PACRG: variants seen among roughly 807,000 people sequenced by gnomAD.
PACRG encodes the protein parkin coregulated.
PACRG carries 29 observed loss-of-function variants against 29.7 expected under a neutral mutation model. The ratio of observed to expected loss-of-function variants is 0.98; its 90% CI spans 0.73 to 1.33. The LOEUF is 1.33. Ranked by LOEUF, PACRG falls within the 40% of genes most tolerant of loss-of-function variation. The probability of loss-of-function intolerance (pLI) is 0.00; values close to 1 mark genes in which losing one functional copy is unlikely to be tolerated. For missense variants in PACRG, 279 were observed against 316.2 expected, an observed-to-expected ratio of 0.88 and a Z score of 0.89; for synonymous variants, 116 against 118.7, an observed-to-expected ratio of 0.98 and a Z score of 0.15.
At chr6:163,281,949 A>C (rs1784239197) in intron 4 of PACRG, among the ~76,000 whole-genome samples, 1 of 152,258 alleles carries the variant, frequency 6.6e-6, no homozygotes, top group Non-Finnish European at 1.5e-5. Flanking sequence ...TATCATGTGC[A>C]CAAGAAGCAG....
At chr6:162,888,984 T>C (rs1403759978) in intron 2 of PACRG, among the ~76,000 whole-genome samples, 3 of 152,172 alleles carry the variant, frequency 2.0e-5, no homozygotes, top group African/African-American at 7.2e-5. Context: ...AACTCTGTGA[T>C]TAAGCTAATT....
At chr6:162,953,962 C>G (rs544506105) in intron 2 of PACRG, among the ~76,000 whole-genome samples, 3 of 151,984 alleles carry the variant, frequency 2.0e-5, no homozygotes, top group Non-Finnish European at 4.4e-5. Flanking sequence ...TGTAGAATAC[C>G]AATTTTTTAT....
At chr6:163,166,478 A>C (rs151190523) in intron 4 of PACRG, among the ~76,000 whole-genome samples, 210 of 152,360 alleles carry the variant, frequency 1.4e-3, no homozygotes, top group African/African-American at 4.6e-3. Flanking sequence ...ACCAAATGTC[A>C]TATTATTTAC....
At chr6:163,102,595 T>C (rs758353936) in intron 4 of PACRG, among the ~76,000 whole-genome samples, 3 of 152,184 alleles carry the variant, frequency 2.0e-5, no homozygotes, top group Non-Finnish European at 2.9e-5. Flanking sequence ...GGAGCTGCAA[T>C]GTATATGATT....
At chr6:163,065,556 C>T (rs1269073464) in intron 3 of PACRG, among the ~76,000 whole-genome samples, 2 of 152,196 alleles carry the variant, frequency 1.3e-5, no homozygotes, top group South Asian at 2.1e-4. Flanking sequence ...AGCAACACTG[C>T]AGCCACAGGG....
chr6:162,902,582 C>G (rs1350904504), intron 2 of PACRG, among the ~76,000 whole-genome samples: 1 of 152,184 alleles, frequency 6.6e-6, no homozygotes, highest in African/African-American at 2.4e-5. Flanking sequence ...TCAGGGCTTG[C>G]TATCCCGACA....
chr6:163,089,968 G>A (rs764589650), intron 4 of PACRG, among the ~76,000 whole-genome samples: 1 of 152,182 alleles, frequency 6.6e-6, no homozygotes, highest in African/African-American at 2.4e-5. Flanking sequence ...TTGGCAGGCA[G>A]TGGATGTAAA....
chr6:163,095,143 CG>C (rs1406733529), intron 4 of PACRG, among the ~76,000 whole-genome samples: 1 of 152,108 alleles, frequency 6.6e-6, no homozygotes, highest in East Asian at 1.9e-4. Flanking sequence ...TGCCCCCACG[CG>C]TGGTCAGCCC....
At chr6:162,817,498 T>C (rs1194555207) in intron 2 of PACRG, among the ~76,000 whole-genome samples, 1 of 152,184 alleles carries the variant, frequency 6.6e-6, no homozygotes, top group Non-Finnish European at 1.5e-5. Context: ...CGTCTCTTTC[T>C]TGTGGCATCT....
chr6:162,742,097 T>C (rs1562550761), intron 1 of PACRG, among the ~76,000 whole-genome samples: 1 of 152,180 alleles, frequency 6.6e-6, no homozygotes, highest in Non-Finnish European at 1.5e-5. Flanking sequence ...CCTTCTACTC[T>C]TTGCTTCTGT....
At chr6:163,008,429 C>T (rs549065133) in intron 2 of PACRG, among the ~76,000 whole-genome samples, 6 of 151,994 alleles carry the variant, frequency 3.9e-5, no homozygotes, top group South Asian at 2.1e-4. Flanking sequence ...TTGTGACCAG[C>T]GTGTGTTTTC....
At chr6:163,263,107 A>G (rs529154682) in intron 4 of PACRG, among the ~76,000 whole-genome samples, 2 of 147,482 alleles carry the variant, frequency 1.4e-5, no homozygotes, top group Non-Finnish European at 3.0e-5. Flanking sequence ...ATAAATTTAC[A>G]TACTAGATCC....
chr6:162,767,365 G>T (rs2128298249), intron 1 of PACRG, among the ~76,000 whole-genome samples: 1 of 151,944 alleles, frequency 6.6e-6, no homozygotes, highest in South Asian at 2.1e-4. Flanking sequence ...TCCTTCTGGT[G>T]ACTATAATTT....
chr6:163,229,389 C>CA (rs1390552538), intron 4 of PACRG, among the ~76,000 whole-genome samples: 2 of 152,180 alleles, frequency 1.3e-5, no homozygotes, highest in Admixed American at 6.5e-5. Flanking sequence ...ACCACCACAA[C>CA]AAAAAATCCA....
intron 4 of PACRG, among the ~76,000 whole-genome samples, chr6:163,125,405 A>G (rs530255717): frequency 1.3e-5 from 2 of 152,370 alleles, no homozygotes; most frequent in South Asian, 2.1e-4. Context: ...GGGTCTGACT[A>G]TATAATATAA....
rs535091668 is a variant in PACRG, at chr6:162,982,605, A to T, written c.292-79545A>T. 2.0e-5 allele frequency among the ~76,000 whole-genome samples: 3 copies of T among 152,032 alleles called. No homozygotes were observed. In the East Asian group the frequency reaches 5.8e-4, roughly 29 times the overall value. ...GATTATTTAATTTCCATGTATTTGT[A>T]TGGTTTTGAGGGTTCCTTTTGGAGT... On this transcript the variant is annotated intron_variant, in intron 2 of 4. Coordinates refer to ENST00000366888, the MANE Select transcript of PACRG (RefSeq NM_001080379.2).
intron 4 of PACRG, chr6:163,165,560 G>C (rs35934506): frequency 6.4e-6 from 1 of 155,954 alleles, no homozygotes; most frequent in Non-Finnish European, 1.4e-5. Flanking sequence ...CCCTGTCTCA[G>C]GGGGAAAAAG....
At chr6:162,985,270 C>A (rs973602064) in intron 2 of PACRG, among the ~76,000 whole-genome samples, 1 of 151,912 alleles carries the variant, frequency 6.6e-6, no homozygotes, top group Non-Finnish European at 1.5e-5. Flanking sequence ...AACTACAGAC[C>A]AATATCCCTG....
At chr6:162,899,305 G>C (rs1795385135) in intron 2 of PACRG, among the ~76,000 whole-genome samples, 1 of 152,166 alleles carries the variant, frequency 6.6e-6, no homozygotes, top group Non-Finnish European at 1.5e-5. Context: ...GAAGACAGGA[G>C]AGCTGGCATA....
Sources: gnomAD v4.1 joint callset for allele counts (sites outside exome capture counted in the v4.1 genomes callset) on GRCh38, gnomAD v4.1.1 for gene constraint, MANE v1.5 for transcripts, NCBI Gene and HGNC (gene_info 2026-07-23, HGNC 2026-07-21) for gene names.